Variants in EIF2A observed in about 807,000 individuals in gnomAD.
EIF2A encodes the protein eukaryotic translation initiation factor 2A.
In EIF2A, 62 loss-of-function variants were observed where a neutral mutation model predicts 75.2. The ratio of observed to expected loss-of-function variants is 0.82; its 90% CI spans 0.67 to 1.02. The LOEUF is 1.02. Among genes scored for constraint, EIF2A ranks in the 50% least tolerant of loss-of-function variants. The pLI, the probability that EIF2A is intolerant of heterozygous loss-of-function variation, is 0.00. For synonymous variants in EIF2A, 207 were observed against 239.0 expected (o/e 0.87, Z 1.23); for missense variants, 611 against 677.7 (o/e 0.90, Z 1.09).
At chr3:150,563,757 G>T (rs1413535190) in intron 5 of EIF2A, 143 bp downstream of exon 5, 1 of 651,486 alleles carries the variant, frequency 1.5e-6, no homozygotes, top group Non-Finnish European at 2.5e-6. Context: ...ATGTAGGAAT[G>T]TAATAGAGCA....
intron 1 of EIF2A, among the ~76,000 whole-genome samples, chr3:150,551,347 T>G (rs1723305145): frequency 6.6e-6 from 1 of 152,158 alleles, no homozygotes; most frequent in South Asian, 2.1e-4. Context: ...TAGGAGGTAG[T>G]TTGTTCGTTT....
intron 2 of EIF2A, chr3:150,557,726 C>G (rs892388408): frequency 5.5e-6 from 2 of 366,242 alleles, no homozygotes; most frequent in African/African-American, 2.2e-5. Flanking sequence ...GTTTTATTAT[C>G]TATAAACTGA....
chr3:150,558,413 T>C lies in EIF2A; in HGVS notation c.124T>C (p.Cys42Arg). The C allele has an allele frequency of 6.5e-7, 1 of 1,528,678 alleles. No homozygotes were observed. Among genetic ancestry groups the C allele is most frequent in the African/African-American group, 1.4e-5 (1 of 69,942 alleles). The allele number at this position is 1,528,678 out of a possible 1,614,324, so 94.7% of individuals were successfully genotyped here. A position where few individuals can be genotyped will look rare whatever the true frequency, so the allele number is the denominator to read the frequency against. The change falls in exon 3 of 14, where the codon TGT becomes CGT. Residue 42 changes from cysteine to arginine, a missense_variant. Transcript: ENST00000460851. ...PRESGKNCKV[C>R]IFSKDGTLFA... ...GGAATCTGGGAAGAATTGCAAAGTC[T>C]GTATCTTTAGTAAGGATGGGACCTT... is the stretch of plus-strand genomic sequence containing the variant.
chr3:150,560,315 A>G (rs1723782804), intron 3 of EIF2A, among the ~76,000 whole-genome samples: 1 of 152,228 alleles, frequency 6.6e-6, no homozygotes, highest in South Asian at 2.1e-4. Flanking sequence ...ACTAGATTTC[A>G]TGTATTGATT....
In EIF2A at chr3:150,554,802, C is replaced by T. The variant is rs79939131; in HGVS notation, c.98+2377C>T. 1.4e-3 allele frequency among the ~76,000 whole-genome samples: 213 copies of T among 152,302 alleles called. 2 individuals are homozygous for T. The East Asian group carries it at 0.036, about 26-fold the overall frequency. On this transcript the variant is annotated intron_variant, in intron 2 of 13. Coordinates refer to ENST00000460851, the MANE Select transcript of EIF2A (RefSeq NM_032025.5). ...GGCCCAGTTCTCTAGAACCTTGCTA[C>T]AGGAAGCATGGGCCCAACCAAGACC... is the stretch of plus-strand genomic sequence containing the variant.
At chr3:150,557,618 C>T (rs1250156769) in intron 2 of EIF2A, 4 of 308,084 alleles carry the variant, frequency 1.3e-5, no homozygotes, top group Middle Eastern at 9.9e-4. Flanking sequence ...CAGCTGGTCT[C>T]GAACTCCCAA....
rs978817957 is a variant in EIF2A at position 150,553,448 on chromosome 3, G to A, written c.98+1023G>A. ...TTTGAGACTGAGTTTTGCCCTTGTT[G>A]CCCAGGCTAGAGTGCAGTGGTGCAA... On this transcript the variant is annotated intron_variant, in intron 2 of 13. Transcript: ENST00000460851. 2.6e-5 allele frequency among the ~76,000 whole-genome samples: 4 copies of A among 151,490 alleles called. 1 individual carries two copies.
intron 1 of EIF2A, among the ~76,000 whole-genome samples, chr3:150,548,170 T>C (rs1036847519): frequency 6.6e-6 from 1 of 152,204 alleles, no homozygotes; most frequent in African/African-American, 2.4e-5. Flanking sequence ...ACTGAACTGC[T>C]TCTGAGTCCC....
rs930518696 is a variant in EIF2A at position 150,584,673 on chromosome 3, C to A, written c.*762C>A. On this transcript the variant is annotated 3_prime_UTR_variant, in exon 14 of 14. Coordinates refer to ENST00000460851, the MANE Select transcript of EIF2A (RefSeq NM_032025.5). ...AATGATTGTTTGTTACTGTTATATA[C>A]ATGTATTTTTATCAGAGATGGGTTA... 1.3e-5 allele frequency among the ~76,000 whole-genome samples: 2 copies of A among 152,128 alleles called. No homozygotes were observed. Among genetic ancestry groups the A allele is most frequent in the African/African-American group, 4.8e-5 (2 of 41,430 alleles).
chr3:150,555,742 A>G (rs1256060643), intron 2 of EIF2A, among the ~76,000 whole-genome samples: 2 of 148,102 alleles, frequency 1.4e-5, no homozygotes, highest in East Asian at 4.0e-4. Context: ...AACAAAAAAC[A>G]AAAAAAAAAC....
chr3:150,583,324 A>T, intron 13 of EIF2A, 59 bp downstream of exon 13: 1 of 1,514,304 alleles, frequency 6.6e-7, no homozygotes, highest in Non-Finnish European at 9.0e-7. Flanking sequence ...CCCTTTTATT[A>T]TAAACAAGTA....
chr3:150,560,279 G>C (rs1238764583), intron 3 of EIF2A, among the ~76,000 whole-genome samples: 1 of 152,072 alleles, frequency 6.6e-6, no homozygotes, highest in Non-Finnish European at 1.5e-5. Context: ...TGACCACAAT[G>C]GTACTTATTG....
intron 11 of EIF2A, among the ~76,000 whole-genome samples, chr3:150,579,872 T>C (rs909555973): frequency 1.3e-5 from 2 of 151,426 alleles, no homozygotes; most frequent in African/African-American, 4.8e-5. Flanking sequence ...GAGTAAAAGG[T>C]TATGGAGACC....
intron 9 of EIF2A, among the ~76,000 whole-genome samples, chr3:150,569,943 A>C (rs902983845): frequency 9.9e-5 from 15 of 152,232 alleles, no homozygotes; most frequent in African/African-American, 3.6e-4. Context: ...GTAGACATTA[A>C]TATATAATAA....
intron 1 of EIF2A, among the ~76,000 whole-genome samples, chr3:150,548,828 C>T (rs923864318): frequency 6.6e-6 from 1 of 152,002 alleles, no homozygotes; most frequent in African/African-American, 2.4e-5. Flanking sequence ...TCTTAGAGGC[C>T]CAGAGAGATT....
rs1725337469 is a variant in EIF2A, at chr3:150,584,003, CA to C, written c.*93del. 5 of 1,129,220 alleles carry C rather than the reference CA, an allele frequency of 4.4e-6. No homozygotes were observed. The East Asian group carries it at 1.2e-4, about 28-fold the overall frequency. The allele number at this position is 1,129,220 out of a possible 1,614,324, so 70.0% of individuals were successfully genotyped here. On this transcript the variant is annotated 3_prime_UTR_variant, in exon 14 of 14. Transcript: ENST00000460851. ...TATACACAGAATATTCCTGTGCCCACACTTAATGTCAATCTATAATTTTAAC... is the reference window on the plus strand; with the variant it reads ...TATACACAGAATATTCCTGTGCCCACCTTAATGTCAATCTATAATTTTAAC...
chr3:150,567,527 C>T, intron 6 of EIF2A, 166 bp from the exon 7 acceptor site: 1 of 565,838 alleles, frequency 1.8e-6, no homozygotes, highest in East Asian at 3.1e-5. Context: ...ATTTGTCTTG[C>T]TCCTACCCCA....
At chr3:150,571,410 G>T (rs1365434547) in intron 9 of EIF2A, among the ~76,000 whole-genome samples, 1 of 152,114 alleles carries the variant, frequency 6.6e-6, no homozygotes, top group African/African-American at 2.4e-5. Flanking sequence ...AAAGTCCTGG[G>T]ATTACAGGCG....
chr3:150,561,453 C>T (rs1723847347), intron 3 of EIF2A, among the ~76,000 whole-genome samples: 1 of 152,188 alleles, frequency 6.6e-6, no homozygotes, highest in African/African-American at 2.4e-5. Context: ...TGGCATGCGC[C>T]TGTAGTCCCA....
Sources: allele counts gnomAD v4.1 joint callset (sites outside exome capture counted in the v4.1 genomes callset), GRCh38; gene constraint gnomAD v4.1.1; transcripts MANE v1.5; gene names NCBI Gene and HGNC (gene_info 2026-07-23, HGNC 2026-07-21).